Variants in AP1AR observed in about 807,000 individuals in gnomAD.
AP1AR encodes the protein AP-1 complex-associated regulatory protein.
Under a neutral mutation model 46.3 loss-of-function variants are expected in AP1AR, and 29 were observed. That is an observed-to-expected ratio of 0.63 (90% confidence interval 0.47 to 0.85). AP1AR has a LOEUF of 0.85. Among genes scored for constraint, AP1AR ranks in the 40% least tolerant of loss-of-function variants. AP1AR has a pLI of 0.00. For synonymous variants in AP1AR, 122 were observed against 122.9 expected (o/e 0.99, Z 0.05); for missense variants, 357 against 356.3 (o/e 1.00, Z -0.02).
At position 112,271,908 on chromosome 4, in the gene AP1AR, A is replaced by C. The variant is rs1578427876; in HGVS notation, c.*3499A>C. 6.6e-6 allele frequency among the ~76,000 whole-genome samples: 1 copy of C among 152,316 alleles called. No homozygotes were observed. Among genetic ancestry groups the C allele is most frequent in the East Asian group, 1.9e-4 (1 of 5,182 alleles). The stretch of plus-strand genomic sequence containing the variant: ...GGCAGAAAAGCCCCACTAAGTGTTG[A>C]CATTTAGAAGTTGGGGGTAGTGAAA... On this transcript the variant is annotated 3_prime_UTR_variant, in exon 10 of 10. Coordinates refer to ENST00000274000, the MANE Select transcript of AP1AR (RefSeq NM_018569.6).
chr4:112,263,658 T>C (rs1225597061), intron 6 of AP1AR, among the ~76,000 whole-genome samples: 1 of 152,198 alleles, frequency 6.6e-6, no homozygotes, highest in Non-Finnish European at 1.5e-5. Flanking sequence ...TACCGTATCT[T>C]ACCATGCTGC....
rs561652774 is a variant in AP1AR, at chr4:112,272,645, C to T, written c.*4236C>T. Among the ~76,000 whole-genome samples, 75 of 152,272 alleles carry T rather than the reference C, an allele frequency of 4.9e-4. No individual in the cohort carries two copies. Among genetic ancestry groups the T allele is most frequent in the African/African-American group, 1.6e-3 (65 of 41,538 alleles). ...TCAAGCTGGGTACTCAATCTTTTGA[C>T]GTCCCCCTTCGTTCCATCCAAGTGT... On this transcript the variant is annotated 3_prime_UTR_variant, in exon 10 of 10. Coordinates refer to ENST00000274000, the MANE Select transcript of AP1AR (RefSeq NM_018569.6).
At chr4:112,239,317 G>A (rs984114188) in intron 1 of AP1AR, among the ~76,000 whole-genome samples, 4 of 152,010 alleles carry the variant, frequency 2.6e-5, no homozygotes, top group Admixed American at 6.6e-5. Context: ...GAATTGTCTC[G>A]TCTTGCCTAG....
intron 1 of AP1AR, among the ~76,000 whole-genome samples, chr4:112,242,268 T>G (rs1326179632): frequency 6.6e-6 from 1 of 152,190 alleles, no homozygotes; most frequent in Non-Finnish European, 1.5e-5. Context: ...GTATCTCCAC[T>G]TTTGTACCAC....
chr4:112,238,196 T>C (rs1725335426), intron 1 of AP1AR, among the ~76,000 whole-genome samples: 1 of 152,254 alleles, frequency 6.6e-6, no homozygotes, highest in South Asian at 2.1e-4. Flanking sequence ...GACTGTGTTT[T>C]ATCACTCTCT....
intron 1 of AP1AR, among the ~76,000 whole-genome samples, chr4:112,240,832 G>C (rs970774192): frequency 6.6e-6 from 1 of 152,150 alleles, no homozygotes; most frequent in Non-Finnish European, 1.5e-5. Flanking sequence ...CAAATGTATA[G>C]CTATGCGTGT....
intron 1 of AP1AR, among the ~76,000 whole-genome samples, chr4:112,234,155 G>T (rs932704034): frequency 6.6e-6 from 1 of 152,180 alleles, no homozygotes; most frequent in Non-Finnish European, 1.5e-5. Context: ...CACCGCGCCC[G>T]GCCAGCAGGT....
chr4:112,269,735 C>CT lies in AP1AR; in HGVS notation c.*1332dup, dbSNP rs1359679067. 2.0e-5 allele frequency: 3 copies of CT among 151,722 alleles called. No individual in the cohort carries two copies. The highest frequency in any genetic ancestry group is 4.4e-5 in the Non-Finnish European group (3 of 67,730). 9.4% of individuals were successfully genotyped at this position (151,722 alleles called of 1,614,324 possible). A position where few individuals can be genotyped will look rare whatever the true frequency, so the allele number is the denominator to read the frequency against. On this transcript the variant is annotated 3_prime_UTR_variant, in exon 10 of 10. Transcript: ENST00000274000. ...GCAATGACATCTGTAGTTTTATCTC[C>CT]TTTTTTATGTCATAGAAATTAATAT...
intron 3 of AP1AR, 103 bp from the exon 4 acceptor site, chr4:112,257,669 G>A: frequency 6.3e-6 from 5 of 797,898 alleles, no homozygotes; most frequent in Non-Finnish European, 9.6e-6. Flanking sequence ...GATAAAAAAT[G>A]GGTAAGTTGA....
At position 112,268,489 on chromosome 4, in the gene AP1AR, C is replaced by A; in HGVS notation, c.*80C>A. ...AGAATGTATAAGTGATTGTGCTTAG[C>A]CTTTTTGTAAGGGAGATGTGTAAGA... On this transcript the variant is annotated 3_prime_UTR_variant, in exon 10 of 10. Coordinates refer to ENST00000274000, the MANE Select transcript of AP1AR (RefSeq NM_018569.6). The A allele has an allele frequency of 7.2e-7, 1 of 1,397,704 alleles. No homozygotes were observed. Among genetic ancestry groups the A allele is most frequent in the Non-Finnish European group, 9.5e-7 (1 of 1,048,922 alleles). The allele number at this position is 1,397,704 out of a possible 1,614,324, so 86.6% of individuals were successfully genotyped here. A position where few individuals can be genotyped will look rare whatever the true frequency, so the allele number is the denominator to read the frequency against.
chr4:112,262,974 T>C lies in AP1AR; in HGVS notation c.283-14T>C. On this transcript the variant is annotated splice_polypyrimidine_tract_variant and intron_variant, in intron 5 of 9. Coordinates refer to ENST00000274000, the MANE Select transcript of AP1AR (RefSeq NM_018569.6). ...CTGATTTTTGTTAATCCTTATCGTT[T>C]TGTTCATGTACAGTTAGCCTTACAA... 1 of 1,594,510 alleles carries C rather than the reference T, an allele frequency of 6.3e-7. No homozygotes were observed. The highest frequency in any genetic ancestry group is 8.6e-7 in the Non-Finnish European group (1 of 1,162,588).
Position 112,270,833 on chromosome 4 carries a change from CACTG to C in AP1AR, c.*2426_*2429del, listed in dbSNP as rs1726917931. 6.6e-6 allele frequency among the ~76,000 whole-genome samples: 1 copy of C among 152,142 alleles called. No individual in the cohort carries two copies. Among genetic ancestry groups the C allele is most frequent in the African/African-American group, 2.4e-5 (1 of 41,440 alleles). On this transcript the variant is annotated 3_prime_UTR_variant, in exon 10 of 10. Coordinates refer to ENST00000274000, the MANE Select transcript of AP1AR (RefSeq NM_018569.6). ...TTTTATTTGATGTGTAATAGAAAGC[CACTG>C]AAATTTTTTGTAAGCAAGGATGTAC... is the stretch of plus-strand genomic sequence containing the variant.
intron 9 of AP1AR, among the ~76,000 whole-genome samples, chr4:112,267,170 T>C (rs965316977): frequency 1.3e-5 from 2 of 151,902 alleles, no homozygotes; most frequent in African/African-American, 4.8e-5. Flanking sequence ...CTTTGTGATT[T>C]TTCAGGAGTG....
intron 1 of AP1AR, among the ~76,000 whole-genome samples, chr4:112,244,903 A>C (rs771952776): frequency 4.6e-5 from 7 of 152,198 alleles, no homozygotes; most frequent in Non-Finnish European, 8.8e-5. Flanking sequence ...GAAAGCGGAG[A>C]ATACTGTTTT....
chr4:112,244,352 C>T (rs1218957314), intron 1 of AP1AR, among the ~76,000 whole-genome samples: 1 of 152,164 alleles, frequency 6.6e-6, no homozygotes, highest in African/African-American at 2.4e-5. Flanking sequence ...GGAAACTTGT[C>T]CTATCAGATT....
intron 1 of AP1AR, among the ~76,000 whole-genome samples, chr4:112,252,101 T>TTGC (rs1246067285): frequency 1.3e-5 from 2 of 152,102 alleles, no homozygotes; most frequent in African/African-American, 2.4e-5. Flanking sequence ...AAGCCAAGCA[T>TTGC]GGTGGTGCAT....
In AP1AR at chr4:112,246,248, G is replaced by A. The variant is rs373798745; in HGVS notation, c.84-6960G>A. On this transcript the variant is annotated intron_variant, in intron 1 of 9. Coordinates refer to ENST00000274000, the MANE Select transcript of AP1AR (RefSeq NM_018569.6). Reference sequence around the variant, plus strand: ...AGGCTGGGTGTGGTGGCTCACACCTGTAATTCCAGCACTTTGGATGACCGA... The same window carrying A: ...AGGCTGGGTGTGGTGGCTCACACCTATAATTCCAGCACTTTGGATGACCGA... Among the ~76,000 whole-genome samples, 88 of 152,316 alleles carry A rather than the reference G, an allele frequency of 5.8e-4. 1 individual carries two copies. In the South Asian group the frequency reaches 0.017, roughly 29 times the overall value.
chr4:112,242,090 A>G (rs1439261309), intron 1 of AP1AR, among the ~76,000 whole-genome samples: 1 of 152,238 alleles, frequency 6.6e-6, no homozygotes, highest in East Asian at 1.9e-4. Context: ...TTTTTCAGTT[A>G]CCTTTTACTT....
intron 1 of AP1AR, among the ~76,000 whole-genome samples, chr4:112,238,475 G>T (rs1355529941): frequency 1.3e-5 from 2 of 151,772 alleles, no homozygotes; most frequent in South Asian, 4.1e-4. Context: ...CTAAAATATA[G>T]AAATCAATAG....
Sources: gnomAD v4.1 joint callset for allele counts (sites outside exome capture counted in the v4.1 genomes callset) on GRCh38, gnomAD v4.1.1 for gene constraint, MANE v1.5 for transcripts, NCBI Gene and HGNC (gene_info 2026-07-23, HGNC 2026-07-21) for gene names.